The following RBFOX1 variants were observed in gnomAD, a reference collection of about 807,000 sequenced individuals.
The protein encoded by RBFOX1 is RNA binding protein fox-1 homolog 1.
Under a neutral mutation model 57.7 loss-of-function variants are expected in RBFOX1, and 8 were observed. The observed-to-expected ratio is 0.14, with a 90% CI of 0.08 to 0.25. The LOEUF is 0.25. RBFOX1 is among the 10% of genes least tolerant of loss of function. The pLI is 1.00. For missense variants in RBFOX1, 611 were observed against 548.5 expected (o/e 1.11, Z -1.14); for synonymous variants, 326 against 222.4 (o/e 1.47, Z -4.15).
chr16:5,677,198 C>G (rs886393884), intron 3 of RBFOX1, among the ~76,000 whole-genome samples: 12 of 152,180 alleles, frequency 7.9e-5, no homozygotes, highest in African/African-American at 2.7e-4. Flanking sequence ...CTCTATCTTT[C>G]TAAAAGACCA....
chr16:6,266,587 G>T (rs1051580953), intron 1 of RBFOX1, among the ~76,000 whole-genome samples: 1 of 151,910 alleles, frequency 6.6e-6, no homozygotes, highest in African/African-American at 2.4e-5. Context: ...GGTGGCACGC[G>T]CCTGTAATCC....
At chr16:5,922,118 A>C (rs972579378) in intron 4 of RBFOX1, among the ~76,000 whole-genome samples, 1 of 152,148 alleles carries the variant, frequency 6.6e-6, no homozygotes, top group African/African-American at 2.4e-5. Flanking sequence ...CTCTGATCGC[A>C]CCACTGCATT....
At position 7,156,489 on chromosome 16, in the gene RBFOX1, C is replaced by G. The variant is rs557572795; in HGVS notation, c.27+104391C>G. ...TGCACATATACAGGTAGATACACATCTATGTGTGCATATACATGTACACAT... is the reference window on the plus strand; with the variant it reads ...TGCACATATACAGGTAGATACACATGTATGTGTGCATATACATGTACACAT... On this transcript the variant is annotated intron_variant, in intron 4 of 15. Coordinates refer to ENST00000550418, the MANE Select transcript of RBFOX1 (RefSeq NM_018723.4). Among the ~76,000 whole-genome samples the G allele has an allele frequency of 7.9e-5, 12 of 151,892 alleles. No homozygotes were observed. In the East Asian group the frequency reaches 2.3e-3, roughly 30 times the overall value.
chr16:6,500,341 G>A (rs1250030707), intron 2 of RBFOX1, among the ~76,000 whole-genome samples: 2 of 152,068 alleles, frequency 1.3e-5, no homozygotes, highest in Admixed American at 6.6e-5. Context: ...CATGGACATG[G>A]ATGCACGTGT....
Position 5,628,524 on chromosome 16 carries a change from A to G in RBFOX1, c.318+29563A>G, listed in dbSNP as rs2048410149. On this transcript the variant is annotated intron_variant, in intron 3 of 19. Transcript: ENST00000641259. ...GGGGAAGAACGCTTTAGGTCAGCCA[A>G]GTAGTATTTGGGCTCTAGGAAACAA... Among the ~76,000 whole-genome samples, 3 of 152,278 alleles carry G rather than the reference A, an allele frequency of 2.0e-5. No individual in the cohort carries two copies. The South Asian group carries it at 6.2e-4, about 32-fold the overall frequency.
chr16:6,612,117 A>T (rs2154025762), intron 2 of RBFOX1, among the ~76,000 whole-genome samples: 1 of 152,302 alleles, frequency 6.6e-6, no homozygotes. Context: ...TACATGATGC[A>T]TCTAGGGATT....
chr16:7,094,761 T>TGTGTGTGG (rs1555466411), intron 4 of RBFOX1, among the ~76,000 whole-genome samples: 1 of 139,858 alleles, frequency 7.2e-6, no homozygotes, highest in African/African-American at 2.5e-5. Context: ...TGTGTGTGTG[T>TGTGTGTGG]GTGTGTGTGT....
At chr16:7,656,400 G>T (rs1458053036) in intron 12 of RBFOX1, among the ~76,000 whole-genome samples, 1 of 149,710 alleles carries the variant, frequency 6.7e-6, no homozygotes, top group Admixed American at 6.6e-5. Context: ...GCTCCTCTTG[G>T]AAAGGAAGAG....
chr16:6,261,128 C>T (rs2097699141), intron 1 of RBFOX1, among the ~76,000 whole-genome samples: 1 of 152,126 alleles, frequency 6.6e-6, no homozygotes, highest in South Asian at 2.1e-4. Flanking sequence ...TTTAAAACCC[C>T]ACAAATTACA....
intron 3 of RBFOX1, among the ~76,000 whole-genome samples, chr16:6,954,621 G>A (rs1001743239): frequency 6.6e-6 from 1 of 152,012 alleles, no homozygotes; most frequent in East Asian, 1.9e-4. Flanking sequence ...GAGAAACTGA[G>A]GCAAAAAGAG....
At chr16:6,604,560 T>C (rs1161019611) in intron 2 of RBFOX1, among the ~76,000 whole-genome samples, 1 of 152,208 alleles carries the variant, frequency 6.6e-6, no homozygotes, top group African/African-American at 2.4e-5. Context: ...AGAAAATAAA[T>C]GAATAGGTAA....
intron 3 of RBFOX1, among the ~76,000 whole-genome samples, chr16:5,821,993 A>C (rs1312759091): frequency 6.6e-6 from 1 of 152,230 alleles, no homozygotes; most frequent in Non-Finnish European, 1.5e-5. Flanking sequence ...ACAAACATTC[A>C]GAGCATATCA....
intron 1 of RBFOX1, among the ~76,000 whole-genome samples, chr16:5,245,993 C>T (rs1013309506): frequency 6.6e-6 from 1 of 152,104 alleles, no homozygotes; most frequent in Non-Finnish European, 1.5e-5. Flanking sequence ...CCTGTAATAC[C>T]AGCACTTTGG....
At chr16:6,754,192 G>A (rs866135312) in intron 3 of RBFOX1, among the ~76,000 whole-genome samples, 9 of 152,134 alleles carry the variant, frequency 5.9e-5, no homozygotes, top group African/African-American at 2.2e-4. Context: ...CACTCAGGCA[G>A]CTACAGCTAG....
intron 3 of RBFOX1, among the ~76,000 whole-genome samples, chr16:7,006,063 A>G (rs533184683): frequency 1.3e-5 from 2 of 152,254 alleles, no homozygotes; most frequent in South Asian, 2.1e-4. Flanking sequence ...CTCCTTTGCA[A>G]TAGGTAGTAA....
chr16:5,578,253 G>A (rs545169145), intron 2 of RBFOX1, among the ~76,000 whole-genome samples: 1 of 152,206 alleles, frequency 6.6e-6, no homozygotes, highest in East Asian at 1.9e-4. Flanking sequence ...CCTGCCCTGG[G>A]GATTTGTGAT....
intron 1 of RBFOX1, among the ~76,000 whole-genome samples, chr16:6,255,693 A>G (rs899853868): frequency 1.3e-5 from 2 of 152,092 alleles, no homozygotes; most frequent in Non-Finnish European, 2.9e-5. Context: ...TATATACATC[A>G]TGGAATACTA....
In RBFOX1 at chr16:6,444,531, C is replaced by T. The variant is rs185178031; in HGVS notation, c.-64+127474C>T. 3.3e-5 allele frequency among the ~76,000 whole-genome samples: 5 copies of T among 152,322 alleles called. No homozygotes were observed. In the East Asian group the frequency reaches 7.7e-4, roughly 24 times the overall value. On this transcript the variant is annotated intron_variant, in intron 2 of 15. Coordinates refer to ENST00000550418, the MANE Select transcript of RBFOX1 (RefSeq NM_018723.4). ...AAGTTTCCCTGCACAAGCTCTCTCT[C>T]TTTGCCTGCTGCCATCCATGTAAGA...
intron 2 of RBFOX1, among the ~76,000 whole-genome samples, chr16:5,512,883 C>G (rs115015341): frequency 6.6e-6 from 1 of 152,152 alleles, no homozygotes; most frequent in Non-Finnish European, 1.5e-5. Flanking sequence ...GTTGACATGT[C>G]TTTTAAGGTC....
Sources: gnomAD v4.1 joint callset for allele counts (sites outside exome capture counted in the v4.1 genomes callset) on GRCh38, gnomAD v4.1.1 for gene constraint, MANE v1.5 for transcripts, NCBI Gene and HGNC (gene_info 2026-07-23, HGNC 2026-07-21) for gene names.